The following PRKCA variants were observed in gnomAD, a reference collection of about 807,000 sequenced individuals.
The protein encoded by PRKCA is protein kinase C alpha.
Under a neutral mutation model 87.0 loss-of-function variants are expected in PRKCA, and 27 were observed. The observed-to-expected ratio is 0.31, with a 90% CI of 0.23 to 0.43. The LOEUF (loss-of-function observed/expected upper bound fraction) is 0.43. Among genes scored for constraint, PRKCA ranks in the 20% least tolerant of loss-of-function variants. The probability of loss-of-function intolerance (pLI) is 1.00; values close to 1 mark genes in which losing one functional copy is unlikely to be tolerated. For missense variants in PRKCA, 518 were observed against 852.3 expected (o/e 0.61, Z 4.88); for synonymous variants, 329 against 311.1 (o/e 1.06, Z -0.61).
chr17:66,504,416 A>G (rs1916879563), intron 3 of PRKCA, among the ~76,000 whole-genome samples: 1 of 152,100 alleles, frequency 6.6e-6, no homozygotes, highest in Non-Finnish European at 1.5e-5. Flanking sequence ...AACATGGTGA[A>G]ACCCCATCTC....
chr17:66,624,844 A>T (rs181657857), intron 3 of PRKCA, among the ~76,000 whole-genome samples: 23 of 152,072 alleles, frequency 1.5e-4, no homozygotes, highest in African/African-American at 5.5e-4. Flanking sequence ...ATTTGCAAAT[A>T]ATTGCATCAT....
At chr17:66,523,838 G>A (rs1308175598) in intron 3 of PRKCA, among the ~76,000 whole-genome samples, 5 of 152,094 alleles carry the variant, frequency 3.3e-5, no homozygotes, top group African/African-American at 4.8e-5. Flanking sequence ...GCGTCAGAGG[G>A]GCTTGTAATG....
intron 3 of PRKCA, among the ~76,000 whole-genome samples, chr17:66,535,819 G>A (rs374349659): frequency 1.7e-4 from 26 of 152,124 alleles, no homozygotes; most frequent in African/African-American, 6.3e-4. Context: ...CTAATGAGGG[G>A]CCCCCACAGC....
Position 66,664,254 on chromosome 17 carries a change from A to G in PRKCA, c.529+18743A>G, listed in dbSNP as rs1018806927. ...CGCTTTGAGCAGTTTCTTCTGAGTG[A>G]ATATGTGGTTCAGAGGCCCACTCAG... On this transcript the variant is annotated intron_variant, in intron 5 of 16. Transcript: ENST00000413366. 1.1e-4 allele frequency among the ~76,000 whole-genome samples: 17 copies of G among 152,102 alleles called. 1 individual carries two copies. The highest frequency in any genetic ancestry group is 6.2e-4 in the South Asian group (3 of 4,822).
rs74927133 is a variant in PRKCA, at chr17:66,575,668, C to T, written c.289-65687C>T. The stretch of plus-strand genomic sequence containing the variant: ...AGGTAATTGAAACTGGAAAACAAAA[C>T]CACACATACAGGGATTACTTGGAAA... On this transcript the variant is annotated intron_variant, in intron 3 of 16. Coordinates refer to ENST00000413366, the MANE Select transcript of PRKCA (RefSeq NM_002737.3). Among the ~76,000 whole-genome samples, 1,502 of 152,294 alleles carry T rather than the reference C, an allele frequency of 9.9e-3. 27 individuals carry two copies. Among genetic ancestry groups the T allele is most frequent in the African/African-American group, 0.034 (1,418 of 41,548 alleles).
At chr17:66,765,482 A>G (rs555029277) in intron 13 of PRKCA, among the ~76,000 whole-genome samples, 179 of 140,304 alleles carry the variant, frequency 1.3e-3, no homozygotes, top group African/African-American at 4.5e-3. Context: ...TTGTCCATAT[A>G]TATATATTTG....
chr17:66,759,217 G>T (rs201880000), intron 13 of PRKCA, among the ~76,000 whole-genome samples: 1 of 151,992 alleles, frequency 6.6e-6, no homozygotes, highest in African/African-American at 2.4e-5. Context: ...TTAGCCGGGC[G>T]TGGTGGCGGG....
intron 5 of PRKCA, among the ~76,000 whole-genome samples, chr17:66,674,060 G>C (rs529343053): frequency 3.4e-4 from 52 of 152,322 alleles, no homozygotes; most frequent in African/African-American, 1.3e-3. Flanking sequence ...TTTCCTGTCT[G>C]TGTTAGCATT....
intron 3 of PRKCA, among the ~76,000 whole-genome samples, chr17:66,535,699 G>T (rs1030438823): frequency 2.0e-5 from 3 of 152,128 alleles, no homozygotes; most frequent in Non-Finnish European, 2.9e-5. Context: ...ATCCTAGTGG[G>T]ATCTCCTCAC....
intron 2 of PRKCA, among the ~76,000 whole-genome samples, chr17:66,424,313 C>G (rs1454603121): frequency 3.3e-5 from 5 of 152,220 alleles, no homozygotes; most frequent in Non-Finnish European, 7.4e-5. Context: ...GTGGCTCACG[C>G]CTGTAATCCC....
intron 2 of PRKCA, among the ~76,000 whole-genome samples, chr17:66,374,073 T>A (rs1195446641): frequency 2.0e-5 from 3 of 152,062 alleles, no homozygotes; most frequent in African/African-American, 7.2e-5. Flanking sequence ...TGGAAGGGGA[T>A]GAGCCAGGGA....
At chr17:66,550,428 A>G (rs559637670) in intron 3 of PRKCA, among the ~76,000 whole-genome samples, 5 of 152,184 alleles carry the variant, frequency 3.3e-5, no homozygotes, top group African/African-American at 1.2e-4. Context: ...AGGCAGGTAG[A>G]TCACCTGAGT....
At chr17:66,621,420 T>C (rs1182986588) in intron 3 of PRKCA, among the ~76,000 whole-genome samples, 1 of 152,232 alleles carries the variant, frequency 6.6e-6, no homozygotes, top group Admixed American at 6.5e-5. Flanking sequence ...TTCTTTGTGT[T>C]TAAAAACATA....
chr17:66,726,444 C>T (rs1045385667), intron 8 of PRKCA, among the ~76,000 whole-genome samples: 5 of 152,230 alleles, frequency 3.3e-5, no homozygotes, highest in South Asian at 2.1e-4. Context: ...CAACGGTTTC[C>T]GGGAAGAAAG....
intron 5 of PRKCA, among the ~76,000 whole-genome samples, chr17:66,666,050 GAAC>G (rs943695704): frequency 3.3e-5 from 5 of 152,146 alleles, no homozygotes; most frequent in African/African-American, 1.2e-4. Context: ...AATTTACAGA[GAAC>G]AATAAAGTTG....
intron 9 of PRKCA, among the ~76,000 whole-genome samples, 169 bp from the exon 10 acceptor site, chr17:66,735,320 T>C (rs900085866): frequency 6.6e-6 from 1 of 152,222 alleles, no homozygotes; most frequent in Non-Finnish European, 1.5e-5. Flanking sequence ...ACTGAATTTG[T>C]AGTGATGTGT....
At chr17:66,386,859 T>G (rs1397517667) in intron 2 of PRKCA, among the ~76,000 whole-genome samples, 1 of 152,212 alleles carries the variant, frequency 6.6e-6, no homozygotes, top group Non-Finnish European at 1.5e-5. Context: ...TTCCTCCTAC[T>G]TATCTTTACT....
intron 8 of PRKCA, among the ~76,000 whole-genome samples, chr17:66,700,672 A>G (rs1973037397): frequency 6.6e-6 from 1 of 152,224 alleles, no homozygotes; most frequent in African/African-American, 2.4e-5. Flanking sequence ...ATTCAAAACA[A>G]TATAAGAAAA....
chr17:66,364,961 C>T (rs564004156), intron 2 of PRKCA, among the ~76,000 whole-genome samples: 1 of 152,054 alleles, frequency 6.6e-6, no homozygotes, highest in Non-Finnish European at 1.5e-5. Context: ...TCTAATTGTA[C>T]CAGGTTTTTG....
Sources: gnomAD v4.1 joint callset for allele counts (sites outside exome capture counted in the v4.1 genomes callset) on GRCh38, gnomAD v4.1.1 for gene constraint, MANE v1.5 for transcripts, NCBI Gene and HGNC (gene_info 2026-07-23, HGNC 2026-07-21) for gene names.